Variants in SHROOM4 observed in about 807,000 individuals in gnomAD.
The protein encoded by SHROOM4 is shroom family member 4, also known as protein Shroom4.
SHROOM4 carries 17 observed loss-of-function variants against 80.3 expected under a neutral mutation model. That is an observed-to-expected ratio of 0.21 (90% CI 0.14 to 0.32). SHROOM4 has a LOEUF of 0.32. SHROOM4 is among the 10% of genes least tolerant of loss of function. The pLI is 1.00. For missense variants in SHROOM4, 993 were observed against 1,140.3 expected, an observed-to-expected ratio of 0.87 and a Z score of 1.86; for synonymous variants, 400 against 437.5, an observed-to-expected ratio of 0.91 and a Z score of 1.07.
chrX:50,668,087 C>A (rs1932746599), intron 2 of SHROOM4, among the ~76,000 whole-genome samples: 1 of 112,244 alleles, frequency 8.9e-6, no homozygotes, highest in African/African-American at 3.2e-5. Context: ...ATCTCCTCCT[C>A]CAGGTGTTGG....
intron 1 of SHROOM4, among the ~76,000 whole-genome samples, chrX:50,764,985 AG>A (rs1557269217): frequency 8.9e-6 from 1 of 112,029 alleles, no homozygotes. Flanking sequence ...AGCATGTGCA[AG>A]GGAACTTCCC....
intron 5 of SHROOM4, among the ~76,000 whole-genome samples, chrX:50,623,931 C>T (rs1447645747): frequency 9.6e-6 from 1 of 104,193 alleles, no homozygotes; most frequent in Non-Finnish European, 2.0e-5. Flanking sequence ...ACATATTGTG[C>T]GATTAGAGTC....
chrX:50,656,526 G>A (rs1368423504), intron 2 of SHROOM4, among the ~76,000 whole-genome samples: 1 of 111,779 alleles, frequency 8.9e-6, no homozygotes, highest in Non-Finnish European at 1.9e-5. Context: ...CCCATTATGT[G>A]TTCTTGACAC....
At chrX:50,784,442 T>G (rs1935695307) in intron 1 of SHROOM4, among the ~76,000 whole-genome samples, 1 of 112,023 alleles carries the variant, frequency 8.9e-6, no homozygotes, top group Non-Finnish European at 1.9e-5. Flanking sequence ...GGAATACAGG[T>G]GTCAGTCAAT....
intron 1 of SHROOM4, among the ~76,000 whole-genome samples, chrX:50,767,387 C>T (rs1273956115): frequency 1.8e-5 from 2 of 111,483 alleles, no homozygotes; most frequent in African/African-American, 3.3e-5. Flanking sequence ...TATGATTTCT[C>T]CATCCTGGGT....
chrX:50,789,741 C>T (rs1351441126), intron 1 of SHROOM4, among the ~76,000 whole-genome samples: 1 of 112,046 alleles, frequency 8.9e-6, no homozygotes, highest in Non-Finnish European at 1.9e-5. Context: ...AATTGACAAA[C>T]CTTTGGCTAG....
intron 1 of SHROOM4, among the ~76,000 whole-genome samples, chrX:50,750,239 AG>A (rs1934881342): frequency 8.9e-6 from 1 of 111,938 alleles, no homozygotes; most frequent in South Asian, 3.8e-4. Context: ...AAGTGTCCAA[AG>A]GGCTTCAGTC....
intron 1 of SHROOM4, among the ~76,000 whole-genome samples, chrX:50,703,696 G>A (rs113913680): frequency 0.01 from 1,162 of 111,874 alleles, 20 homozygotes; most frequent in African/African-American, 0.036. Flanking sequence ...CATGTAAGAC[G>A]TGCCTTGCTT....
At chrX:50,586,425 T>A (rs1210467361), downstream of SHROOM4, among the ~76,000 whole-genome samples, 2 of 111,663 alleles carry the variant, frequency 1.8e-5, no homozygotes, top group Non-Finnish European at 3.8e-5. Flanking sequence ...AGAAAATAAG[T>A]AGCTGGGAGG....
At chrX:50,769,424 C>T (rs1448576915) in intron 1 of SHROOM4, among the ~76,000 whole-genome samples, 4 of 111,927 alleles carry the variant, frequency 3.6e-5, no homozygotes, top group Non-Finnish European at 5.6e-5. Flanking sequence ...CATTAGGCGT[C>T]GCAGGCCCAA....
intron 1 of SHROOM4, among the ~76,000 whole-genome samples, chrX:50,740,388 C>G (rs1934625466): frequency 9.0e-6 from 1 of 111,433 alleles, no homozygotes; most frequent in South Asian, 3.8e-4. Flanking sequence ...AAGGGTCAAT[C>G]AATTGGGAAG....
intron 1 of SHROOM4, among the ~76,000 whole-genome samples, chrX:50,729,824 T>C (rs1934327900): frequency 9.1e-6 from 1 of 110,488 alleles, no homozygotes; most frequent in Non-Finnish European, 1.9e-5. Flanking sequence ...GAGAACAAAA[T>C]TAGTGGGATA....
chrX:50,747,115 G>T (rs962022753), intron 1 of SHROOM4, among the ~76,000 whole-genome samples: 1 of 111,784 alleles, frequency 8.9e-6, no homozygotes, highest in Non-Finnish European at 1.9e-5. Context: ...ACTAGCACAG[G>T]AGAAACTGAA....
chrX:50,578,694 C>T, the SHROOM4 span, among the ~76,000 whole-genome samples: 1 of 111,917 alleles, frequency 8.9e-6, no homozygotes, highest in Non-Finnish European at 1.9e-5. Context: ...CCCACCTCGG[C>T]CTCCCAAAGT....
intron 2 of SHROOM4, among the ~76,000 whole-genome samples, chrX:50,688,869 T>C (rs929233493): frequency 1.9e-4 from 21 of 110,005 alleles, no homozygotes; most frequent in South Asian, 4.0e-4. Flanking sequence ...AGTTATATTT[T>C]TCGTGGTCAC....
At chrX:50,768,925 T>C (rs782293729) in intron 1 of SHROOM4, among the ~76,000 whole-genome samples, 1 of 111,852 alleles carries the variant, frequency 8.9e-6, no homozygotes, top group East Asian at 2.8e-4. Flanking sequence ...TTACCAAGGT[T>C]GGGTTTCTTG....
chrX:50,622,936 G>A (rs1456881259), intron 5 of SHROOM4, among the ~76,000 whole-genome samples: 2 of 112,058 alleles, frequency 1.8e-5, no homozygotes, highest in African/African-American at 6.5e-5. Context: ...CTTAGCTTGC[G>A]TCAGAATTGC....
rs1441640570 is a variant in SHROOM4 at position 50,593,609 on chromosome X, G to A, written c.*3086C>T. On this transcript the variant is annotated 3_prime_UTR_variant, in exon 9 of 9. Transcript: ENST00000376020. ...TATTATTGGCATAGACGACTCCTCT[G>A]GCAAAGCTCCAAATGGGTGGAAGTG... 9.8e-6 allele frequency: 1 copy of A among 101,731 alleles called. No homozygotes were observed. Among genetic ancestry groups the A allele is most frequent in the Admixed American group, 1.0e-4 (1 of 9,533 alleles). 8.4% of individuals were successfully genotyped at this position (101,731 alleles called of 1,213,427 possible).
In SHROOM4 at chrX:50,813,963, G is replaced by GC. The variant is rs782677387; in HGVS notation, c.55dup (p.Ala19GlyfsTer8). 5.8e-6 allele frequency: 7 copies of GC among 1,207,990 alleles called. No homozygotes were observed. The highest frequency in any genetic ancestry group is 3.0e-5 in the East Asian group (1 of 33,707). On this transcript the variant is annotated frameshift_variant, in exon 1 of 9. Transcript: ENST00000376020. LOFTEE classifies it high-confidence loss of function. ...CCCCTTAAGGGTGAAGCCCCAGGGT[G>GC]CCCCCCCTTGCAGCTGCACAGGGAC...
Sources: gnomAD v4.1 joint callset for allele counts (sites outside exome capture counted in the v4.1 genomes callset) on GRCh38, gnomAD v4.1.1 for gene constraint, MANE v1.5 for transcripts, NCBI Gene and HGNC (gene_info 2026-07-23, HGNC 2026-07-21) for gene names.